The following P3H2 variants were observed in gnomAD, a reference collection of about 807,000 sequenced individuals.
The protein encoded by P3H2 is leprecan-like 1.
P3H2 carries 80 observed loss-of-function variants against 87.0 expected under a neutral mutation model. The observed-to-expected ratio is 0.92, with a 90% confidence interval of 0.77 to 1.11. P3H2 has a LOEUF of 1.11. Among genes scored for constraint, P3H2 ranks in the 50% least tolerant of loss-of-function variants. P3H2 has a pLI of 0.00. For synonymous variants in P3H2, 367 were observed against 359.3 expected (o/e 1.02, Z -0.24); for missense variants, 1,001 against 923.9 (o/e 1.08, Z -1.08).
chr3:189,990,341 T>C (rs1723839532), intron 3 of P3H2, among the ~76,000 whole-genome samples: 1 of 152,206 alleles, frequency 6.6e-6, no homozygotes, highest in Non-Finnish European at 1.5e-5. Flanking sequence ...TTTCATTTCT[T>C]AAGAAAACAA....
chr3:190,119,254 C>T (rs1417911429), intron 1 of P3H2, among the ~76,000 whole-genome samples: 5 of 151,302 alleles, frequency 3.3e-5, no homozygotes, highest in Admixed American at 3.3e-4. Flanking sequence ...CAGAGCAGAG[C>T]AGCCTGGTCC....
chr3:189,958,097 T>C lies in P3H2; in HGVS notation c.2035-93A>G, dbSNP rs1297705564. On this transcript the variant is annotated intron_variant, in intron 14 of 14. Coordinates refer to ENST00000319332, the MANE Select transcript of P3H2 (RefSeq NM_018192.4). ...CCAAACACTTCCTGGCATCCATCTG[T>C]ACATGGGTTGATGCTATATCCAGTT... The C allele has an allele frequency of 3.4e-6, 3 of 883,462 alleles. No individual in the cohort carries two copies. The East Asian group carries it at 7.3e-5, about 21-fold the overall frequency. The allele number at this position is 883,462 out of a possible 1,614,324, so 54.7% of individuals were successfully genotyped here.
chr3:190,074,704 T>C (rs1262809748), intron 1 of P3H2, among the ~76,000 whole-genome samples: 2 of 152,186 alleles, frequency 1.3e-5, no homozygotes, highest in Non-Finnish European at 2.9e-5. Flanking sequence ...CATGTACAAC[T>C]GAATGTAAAT....
In P3H2 at chr3:190,029,377, A is replaced by G. The variant is rs115131194; in HGVS notation, c.481-33935T>C. Among the ~76,000 whole-genome samples, 964 of 152,354 alleles carry G rather than the reference A, an allele frequency of 6.3e-3. 10 individuals carry two copies. Among genetic ancestry groups the G allele is most frequent in the African/African-American group, 0.022 (927 of 41,584 alleles). On this transcript the variant is annotated intron_variant, in intron 1 of 14. Transcript: ENST00000319332. ...CTGTTACCCCTATCTATTCTTAAAT[A>G]TCATCAACTTGACAATTTCATTTGG...
chr3:190,089,702 T>C (rs1217559032), intron 1 of P3H2, among the ~76,000 whole-genome samples: 1 of 152,184 alleles, frequency 6.6e-6, no homozygotes, highest in Non-Finnish European at 1.5e-5. Flanking sequence ...AGGGCAAGTA[T>C]GTCAGAAACT....
At chr3:189,985,987 G>C (rs1042269727) in intron 6 of P3H2, among the ~76,000 whole-genome samples, 1 of 152,084 alleles carries the variant, frequency 6.6e-6, no homozygotes, top group African/African-American at 2.4e-5. Flanking sequence ...CATAGTATAT[G>C]TTTCTGCAAA....
chr3:189,959,871 T>C (rs1236427511), intron 14 of P3H2, among the ~76,000 whole-genome samples: 1 of 9,128 alleles, frequency 1.1e-4, no homozygotes, highest in Non-Finnish European at 1.0e-3. Context: ...TGTGTGTGTG[T>C]GTGTGTGTGT....
At chr3:189,989,162 T>A (rs1723800912) in intron 3 of P3H2, 124 bp from the exon 4 acceptor site, 1 of 1,187,542 alleles carries the variant, frequency 8.4e-7, no homozygotes, top group Non-Finnish European at 1.2e-6. Flanking sequence ...ATTATTATAA[T>A]CCTCACTTCC....
intron 8 of P3H2, among the ~76,000 whole-genome samples, chr3:189,980,562 C>CAA (rs558957023): frequency 3.5e-4 from 52 of 148,566 alleles, no homozygotes; most frequent in Non-Finnish European, 4.6e-4. Flanking sequence ...GACTCCATCT[C>CAA]AAAAAAAAAG....
At chr3:190,076,384 C>T (rs1162278336) in intron 1 of P3H2, among the ~76,000 whole-genome samples, 2 of 152,138 alleles carry the variant, frequency 1.3e-5, no homozygotes, top group African/African-American at 4.8e-5. Context: ...TCTTTGCTGG[C>T]TCTAGGAAAT....
chr3:190,051,973 T>C (rs983911713), intron 1 of P3H2, among the ~76,000 whole-genome samples: 1 of 152,202 alleles, frequency 6.6e-6, no homozygotes, highest in Non-Finnish European at 1.5e-5. Context: ...TTCTAAAAAC[T>C]ACATACCACA....
At chr3:190,086,752 C>T (rs552437156) in intron 1 of P3H2, among the ~76,000 whole-genome samples, 1 of 152,316 alleles carries the variant, frequency 6.6e-6, no homozygotes, top group South Asian at 2.1e-4. Flanking sequence ...GAACCATACT[C>T]TCTGCTACCA....
At chr3:190,068,065 T>C (rs572637383) in intron 1 of P3H2, among the ~76,000 whole-genome samples, 8 of 152,206 alleles carry the variant, frequency 5.3e-5, no homozygotes, top group African/African-American at 1.9e-4. Context: ...TTAAAATGTT[T>C]ATATAATTTT....
At chr3:190,009,585 C>T (rs1724526227) in intron 1 of P3H2, among the ~76,000 whole-genome samples, 1 of 152,164 alleles carries the variant, frequency 6.6e-6, no homozygotes, top group Non-Finnish European at 1.5e-5. Flanking sequence ...GGAAGACTCA[C>T]TTTCTGTTCA....
intron 1 of P3H2, among the ~76,000 whole-genome samples, chr3:190,044,159 G>A (rs765712): frequency 0.029 from 4,460 of 152,236 alleles, 225 homozygotes; most frequent in African/African-American, 0.1. Flanking sequence ...GCACAAGTAA[G>A]AGAATGAATA....
In P3H2 at chr3:189,995,273, G is replaced by C. The variant is rs373022385; in HGVS notation, c.633+17C>G. On this transcript the variant is annotated intron_variant, in intron 2 of 14. Coordinates refer to ENST00000319332, the MANE Select transcript of P3H2 (RefSeq NM_018192.4). ...ACTTAGCTCCCTGTGGTGAGGGCAG[G>C]GGCCCACAGAGCTTACCATGTGTGG... The C allele has an allele frequency of 1.2e-6, 2 of 1,613,478 alleles. No individual in the cohort carries two copies. The highest frequency in any genetic ancestry group is 2.7e-5 in the African/African-American group (2 of 74,870).
intron 10 of P3H2, among the ~76,000 whole-genome samples, 185 bp downstream of exon 10, chr3:189,973,724 C>CTA (rs1723256430): frequency 6.6e-6 from 1 of 151,806 alleles, no homozygotes; most frequent in Non-Finnish European, 1.5e-5. Context: ...CGGGGTTTCA[C>CTA]CATGTTAGCC....
intron 1 of P3H2, among the ~76,000 whole-genome samples, chr3:190,046,361 A>T (rs1173935069): frequency 6.6e-6 from 1 of 152,224 alleles, no homozygotes; most frequent in Non-Finnish European, 1.5e-5. Flanking sequence ...AGATCGACAT[A>T]ATCCCTTTAT....
intron 1 of P3H2, among the ~76,000 whole-genome samples, chr3:190,060,778 T>A (rs1726306993): frequency 6.6e-6 from 1 of 152,112 alleles, no homozygotes. Flanking sequence ...GAATAAAAAA[T>A]TGATTGTAAA....
Sources: allele counts gnomAD v4.1 joint callset (sites outside exome capture counted in the v4.1 genomes callset), GRCh38; gene constraint gnomAD v4.1.1; transcripts MANE v1.5; gene names NCBI Gene and HGNC (gene_info 2026-07-23, HGNC 2026-07-21).